SLC22A15: variants seen among roughly 807,000 people sequenced by gnomAD.
SLC22A15 encodes the protein flipt 1.
In SLC22A15, 45 loss-of-function variants were observed where a neutral mutation model predicts 62.7. The observed-to-expected ratio is 0.72, with a 90% CI of 0.56 to 0.92. SLC22A15 has a LOEUF of 0.92. SLC22A15 is among the 40% of genes least tolerant of loss of function. SLC22A15 has a pLI of 0.00. For synonymous variants in SLC22A15, 264 were observed against 267.0 expected (o/e 0.99, Z 0.11); for missense variants, 622 against 665.6 (o/e 0.93, Z 0.72).
intron 8 of SLC22A15, among the ~76,000 whole-genome samples, chr1:116,056,753 A>T (rs950179714): frequency 6.6e-6 from 1 of 152,372 alleles, no homozygotes; most frequent in South Asian, 2.1e-4. Context: ...GTAACGCCGC[A>T]TATCTACAAC....
chr1:116,008,948 C>A (rs1321008538), intron 2 of SLC22A15, among the ~76,000 whole-genome samples: 1 of 152,144 alleles, frequency 6.6e-6, no homozygotes, highest in Admixed American at 6.5e-5. Context: ...CAGTGTTCCA[C>A]CCCCACAAAA....
chr1:116,030,949 C>A (rs1330964710), intron 5 of SLC22A15, among the ~76,000 whole-genome samples: 1 of 151,786 alleles, frequency 6.6e-6, no homozygotes, highest in Non-Finnish European at 1.5e-5. Flanking sequence ...CTTAAAAAAA[C>A]CCATTGTCTC....
intron 2 of SLC22A15, among the ~76,000 whole-genome samples, chr1:116,005,086 A>G (rs1406608923): frequency 1.3e-5 from 2 of 152,156 alleles, no homozygotes; most frequent in African/African-American, 2.4e-5. Context: ...CAGTCATTAT[A>G]GAGATTTGTC....
At chr1:116,042,326 GAC>G (rs947491213) in intron 8 of SLC22A15, among the ~76,000 whole-genome samples, 2 of 151,416 alleles carry the variant, frequency 1.3e-5, no homozygotes, top group African/African-American at 4.9e-5. Context: ...GAAAGAAAAA[GAC>G]ACTTTCATCT....
chr1:116,042,131 A>G (rs1657805374), intron 8 of SLC22A15, among the ~76,000 whole-genome samples: 1 of 150,842 alleles, frequency 6.6e-6, no homozygotes, highest in Non-Finnish European at 1.5e-5. Context: ...TGTAGCCTCC[A>G]CTCAAAATCA....
At chr1:116,016,072 CTTTCT>C (rs1656506691) in intron 2 of SLC22A15, among the ~76,000 whole-genome samples, 1 of 151,964 alleles carries the variant, frequency 6.6e-6, no homozygotes, top group Non-Finnish European at 1.5e-5. Flanking sequence ...CTTTCTTTCT[CTTTCT>C]TTTTCTTTTC....
chr1:115,997,526 G>A (rs1343716287), intron 2 of SLC22A15, among the ~76,000 whole-genome samples: 3 of 151,904 alleles, frequency 2.0e-5, no homozygotes, highest in East Asian at 1.9e-4. Context: ...CTTCTTTAGC[G>A]AGGTTTATTT....
chr1:116,061,927 G>A (rs1658390373), intron 8 of SLC22A15, among the ~76,000 whole-genome samples: 2 of 152,024 alleles, frequency 1.3e-5, no homozygotes, highest in Admixed American at 6.5e-5. Context: ...AAAGAACATC[G>A]GCTGGGCGTG....
intron 8 of SLC22A15, 51 bp from the exon 9 acceptor site, chr1:116,062,711 A>T: frequency 6.2e-7 from 1 of 1,610,062 alleles, no homozygotes; most frequent in East Asian, 2.2e-5. Context: ...TGCCATTTAG[A>T]GGAATTGTTT....
At position 116,007,404 on chromosome 1, in the gene SLC22A15, C is replaced by T. The variant is rs146320149; in HGVS notation, c.301-12178C>T. ...CTGGCTGCTTCAGCCTGAGTGGGTTCATGATGCTTTGCAAGGGTGGCTGTG... is the reference window on the plus strand; with the variant it reads ...CTGGCTGCTTCAGCCTGAGTGGGTTTATGATGCTTTGCAAGGGTGGCTGTG... On this transcript the variant is annotated intron_variant, in intron 2 of 11. Coordinates refer to ENST00000369503, the MANE Select transcript of SLC22A15 (RefSeq NM_018420.3). 8.8e-3 allele frequency among the ~76,000 whole-genome samples: 1,347 copies of T among 152,298 alleles called. 69 individuals carry two copies. The highest frequency in any genetic ancestry group is 0.079 in the Admixed American group (1,210 of 15,294).
chr1:116,004,399 A>G (rs866335335), intron 2 of SLC22A15, among the ~76,000 whole-genome samples: 2 of 152,094 alleles, frequency 1.3e-5, no homozygotes, highest in African/African-American at 4.8e-5. Flanking sequence ...ATTTTTGAGA[A>G]TTTTTATTAT....
chr1:116,066,098 G>A (rs1191174358), intron 10 of SLC22A15, among the ~76,000 whole-genome samples: 1 of 152,136 alleles, frequency 6.6e-6, no homozygotes, highest in African/African-American at 2.4e-5. Flanking sequence ...CCAGGATTAA[G>A]AACTTTAAAG....
In SLC22A15 at chr1:116,069,638, T is replaced by G. The variant is rs1341423668; in HGVS notation, c.*2530T>G. On this transcript the variant is annotated 3_prime_UTR_variant, in exon 12 of 12. Coordinates refer to ENST00000369503, the MANE Select transcript of SLC22A15 (RefSeq NM_018420.3). ...ACCATGTTGAAATTTTCTGATTTTG[T>G]GAGTTACAACCACAGCCCAGTAAAA... 1 of 152,212 alleles carries G rather than the reference T, an allele frequency of 6.6e-6. No individual in the cohort carries two copies. The highest frequency in any genetic ancestry group is 2.4e-5 in the African/African-American group (1 of 41,460). 9.4% of individuals were successfully genotyped at this position (152,212 alleles called of 1,614,324 possible). A position where few individuals can be genotyped will look rare whatever the true frequency, so the allele number is the denominator to read the frequency against.
chr1:116,032,089 G>A (rs1657433980), intron 6 of SLC22A15: 1 of 985,266 alleles, frequency 1.0e-6, no homozygotes, highest in African/African-American at 1.7e-5. Flanking sequence ...GTACAGATGG[G>A]ACCCCAGGAG....
chr1:116,058,556 G>T (rs971225384), intron 8 of SLC22A15, among the ~76,000 whole-genome samples: 13 of 152,160 alleles, frequency 8.5e-5, no homozygotes, highest in African/African-American at 3.1e-4. Flanking sequence ...AAAACCGTGT[G>T]AAGATTCCTT....
chr1:116,019,818 G>C, intron 3 of SLC22A15, 104 bp downstream of exon 3: 1 of 1,246,824 alleles, frequency 8.0e-7, no homozygotes, highest in Admixed American at 2.8e-5. Flanking sequence ...CCGGGAATTG[G>C]CATATGGACA....
At chr1:116,047,288 A>T (rs1235537505) in intron 8 of SLC22A15, among the ~76,000 whole-genome samples, 4 of 152,168 alleles carry the variant, frequency 2.6e-5, no homozygotes, top group African/African-American at 9.7e-5. Flanking sequence ...TTAGCCAGGC[A>T]TGGTGGCACG....
intron 2 of SLC22A15, among the ~76,000 whole-genome samples, chr1:116,014,783 A>G (rs912183449): frequency 3.3e-5 from 5 of 152,216 alleles, no homozygotes; most frequent in African/African-American, 1.2e-4. Context: ...TGAGAGCCAC[A>G]CTTATCATAT....
At chr1:116,063,742 A>G (rs1260901010) in intron 9 of SLC22A15, among the ~76,000 whole-genome samples, 1 of 152,204 alleles carries the variant, frequency 6.6e-6, no homozygotes, top group Non-Finnish European at 1.5e-5. Flanking sequence ...CTCTGGGACA[A>G]TTTTGAGAGC....
Sources: gnomAD v4.1 joint callset for allele counts (sites outside exome capture counted in the v4.1 genomes callset) on GRCh38, gnomAD v4.1.1 for gene constraint, MANE v1.5 for transcripts, NCBI Gene and HGNC (gene_info 2026-07-23, HGNC 2026-07-21) for gene names.